The following STAU2 variants were observed in gnomAD, a reference collection of about 807,000 sequenced individuals.
The protein encoded by STAU2 is staufen double-stranded RNA binding protein 2.
A neutral mutation model predicts 65.9 loss-of-function variants in STAU2; 20 were observed. The ratio of observed to expected loss-of-function variants is 0.30; its 90% CI spans 0.21 to 0.44. The LOEUF is 0.44. Among genes scored for constraint, STAU2 ranks in the 20% least tolerant of loss-of-function variants. The pLI, the probability that STAU2 is intolerant of heterozygous loss-of-function variation, is 1.00. For missense variants in STAU2, 558 were observed against 683.9 expected (o/e 0.82, Z 2.05); for synonymous variants, 232 against 233.9 (o/e 0.99, Z 0.07).
intron 10 of STAU2, 82 bp downstream of exon 10, chr8:73,603,644 C>T (rs78272123): frequency 0.012 from 18,345 of 1,518,332 alleles, 133 homozygotes; most frequent in South Asian, 0.021. Flanking sequence ...GCTCTTAAGT[C>T]CTAGTTTGCC....
rs1284627228 is a variant in STAU2, at chr8:73,577,426, C to CAA, written c.1222+5342_1222+5343dup. 2.9e-3 allele frequency among the ~76,000 whole-genome samples: 344 copies of CAA among 120,374 alleles called. 3 individuals carry two copies. The highest frequency in any genetic ancestry group is 9.4e-3 in the African/African-American group (311 of 33,016). 79.0% of individuals were successfully genotyped at this position (120,374 alleles called of 152,430 possible). A position where few individuals can be genotyped will look rare whatever the true frequency, so the allele number is the denominator to read the frequency against. On this transcript the variant is annotated intron_variant, in intron 12 of 14. Transcript: ENST00000524300. ...TGGGCGACAGAGCAAGACTCCATCT[C>CAA]AAAAAAAAAAAAAATTATATATATA... is the stretch of plus-strand genomic sequence containing the variant.
At chr8:73,679,154 T>A (rs919623520) in intron 5 of STAU2, among the ~76,000 whole-genome samples, 7 of 152,224 alleles carry the variant, frequency 4.6e-5, no homozygotes, top group Non-Finnish European at 8.8e-5. Context: ...AAAGTTATAG[T>A]AATTCCATTA....
At chr8:73,684,064 C>T (rs528667774) in intron 5 of STAU2, among the ~76,000 whole-genome samples, 8 of 152,200 alleles carry the variant, frequency 5.3e-5, no homozygotes, top group African/African-American at 1.4e-4. Context: ...ATGCAATTCG[C>T]ATCAAAATAC....
At chr8:73,577,441 T>TTTTA (rs1809654465) in intron 12 of STAU2, among the ~76,000 whole-genome samples, 1 of 145,056 alleles carries the variant, frequency 6.9e-6, no homozygotes, top group African/African-American at 2.6e-5. Flanking sequence ...AAAAAAAAAA[T>TTTTA]TATATATATA....
upstream of STAU2, chr8:73,747,468 C>T: frequency 2.0e-6 from 3 of 1,534,458 alleles, no homozygotes; most frequent in Middle Eastern, 3.3e-4. Flanking sequence ...CGCCGCTGTG[C>T]AACGCACGGT....
chr8:73,686,284 C>T (rs181864564), intron 5 of STAU2, among the ~76,000 whole-genome samples: 2 of 152,262 alleles, frequency 1.3e-5, no homozygotes, highest in East Asian at 1.9e-4. Context: ...GGCACAGTGG[C>T]TCACACCTGT....
intron 6 of STAU2, chr8:73,669,024 A>C (rs1362963234): frequency 1.5e-6 from 1 of 685,136 alleles, no homozygotes; most frequent in South Asian, 1.5e-5. Flanking sequence ...TTAAGAAGCT[A>C]ATGATTAATC....
At chr8:73,576,678 C>T (rs1809587106) in intron 12 of STAU2, among the ~76,000 whole-genome samples, 1 of 152,116 alleles carries the variant, frequency 6.6e-6, no homozygotes, top group Admixed American at 6.5e-5. Context: ...CGTTATGCAT[C>T]AAATATTGCC....
intron 13 of STAU2, among the ~76,000 whole-genome samples, chr8:73,494,203 G>A (rs1286750016): frequency 1.3e-5 from 2 of 151,714 alleles, no homozygotes; most frequent in East Asian, 1.9e-4. Context: ...GTTTATGGAC[G>A]CCCATGCTAA....
chr8:73,599,594 A>G (rs2129669486), intron 10 of STAU2, among the ~76,000 whole-genome samples: 1 of 152,358 alleles, frequency 6.6e-6, no homozygotes, highest in South Asian at 2.1e-4. Context: ...GCTATACAGC[A>G]TGATACTCTA....
intron 9 of STAU2, among the ~76,000 whole-genome samples, 157 bp from the exon 10 acceptor site, chr8:73,604,020 T>C (rs753769305): frequency 2.2e-4 from 33 of 152,150 alleles, no homozygotes; most frequent in Non-Finnish European, 3.7e-4. Context: ...AGGAAAATCA[T>C]AAAATAGACC....
intron 6 of STAU2, among the ~76,000 whole-genome samples, chr8:73,628,910 G>A (rs1037374831): frequency 4.6e-5 from 7 of 152,190 alleles, no homozygotes; most frequent in Admixed American, 2.6e-4. Context: ...TTGCTGATCA[G>A]AATTAACTAT....
chr8:73,718,792 G>C (rs935673449), intron 3 of STAU2, among the ~76,000 whole-genome samples: 1 of 152,056 alleles, frequency 6.6e-6, no homozygotes, highest in Admixed American at 6.6e-5. Context: ...TCATATTTTT[G>C]ATGCTTTTGA....
chr8:73,592,775 C>CT (rs1441565671), intron 11 of STAU2, among the ~76,000 whole-genome samples: 1 of 152,178 alleles, frequency 6.6e-6, no homozygotes, highest in Non-Finnish European at 1.5e-5. Context: ...GGGAGAATCG[C>CT]TTGAACCTGA....
Position 73,421,167 on chromosome 8 carries a change from G to C in STAU2, c.*205C>G, listed in dbSNP as rs564251232. 3.9e-6 allele frequency: 2 copies of C among 512,406 alleles called. No individual in the cohort carries two copies. Among genetic ancestry groups the C allele is most frequent in the Non-Finnish European group, 6.8e-6 (2 of 292,340 alleles). 31.7% of individuals were successfully genotyped at this position (512,406 alleles called of 1,614,324 possible). On this transcript the variant is annotated 3_prime_UTR_variant, in exon 15 of 15. Coordinates refer to ENST00000524300, the MANE Select transcript of STAU2 (RefSeq NM_001164380.2). ...GGCAAATGAGTTATGATCTGATCTCGAGTTCCAAGGGAAATGCTCAAAGTT... is the reference window on the plus strand; with the variant it reads ...GGCAAATGAGTTATGATCTGATCTCCAGTTCCAAGGGAAATGCTCAAAGTT...
At chr8:73,614,516 G>A (rs576494992) in intron 8 of STAU2, among the ~76,000 whole-genome samples, 1 of 152,266 alleles carries the variant, frequency 6.6e-6, no homozygotes, top group African/African-American at 2.4e-5. Context: ...TTTTAAAAAG[G>A]TAAGTAGGTA....
At chr8:73,485,593 G>A (rs544627195) in intron 13 of STAU2, among the ~76,000 whole-genome samples, 1 of 152,136 alleles carries the variant, frequency 6.6e-6, no homozygotes, top group Admixed American at 6.5e-5. Flanking sequence ...GCTCAGACCC[G>A]TAATCTCAGC....
chr8:73,480,878 A>T (rs114275464), intron 13 of STAU2, among the ~76,000 whole-genome samples: 2,108 of 152,292 alleles, frequency 0.014, 49 homozygotes, highest in African/African-American at 0.048. Flanking sequence ...GAAGGAAGAA[A>T]TTCAATGTGA....
chr8:73,635,545 G>A (rs1329725343), intron 6 of STAU2, among the ~76,000 whole-genome samples: 1 of 152,132 alleles, frequency 6.6e-6, no homozygotes, highest in Non-Finnish European at 1.5e-5. Flanking sequence ...AAAAATCTGA[G>A]GCCGAGGGCG....
Sources: gnomAD v4.1 joint callset for allele counts (sites outside exome capture counted in the v4.1 genomes callset) on GRCh38, gnomAD v4.1.1 for gene constraint, MANE v1.5 for transcripts, NCBI Gene and HGNC (gene_info 2026-07-23, HGNC 2026-07-21) for gene names.